ADAMTS16: variants seen among roughly 807,000 people sequenced by gnomAD.
The protein encoded by ADAMTS16 is ADAM metallopeptidase with thrombospondin type 1 motif 16, also known as A disintegrin and metalloproteinase with thrombospondin motifs 16.
A neutral mutation model predicts 145.8 loss-of-function variants in ADAMTS16; 94 were observed. The ratio of observed to expected loss-of-function variants is 0.64; its 90% CI spans 0.55 to 0.77. The LOEUF (loss-of-function observed/expected upper bound fraction) is 0.77, where lower values mean the gene tolerates loss of function less well. ADAMTS16 is among the 30% of genes least tolerant of loss of function. ADAMTS16 has a pLI of 0.00. For missense variants in ADAMTS16, 1,585 were observed against 1,591.5 expected (o/e 1.00, Z 0.07); for synonymous variants, 659 against 604.3 (o/e 1.09, Z -1.33).
Position 5,186,305 on chromosome 5 carries a change from T to G in ADAMTS16, c.963+54T>G, listed in dbSNP as rs555268907. ...CTGTGTCATTGCACTTCGTAGGGTG[T>G]GTGTGTGTGTGTGTGTGTGTGTGTG... is the stretch of plus-strand genomic sequence containing the variant. On this transcript the variant is annotated intron_variant, in intron 5 of 22. Coordinates refer to ENST00000274181, the MANE Select transcript of ADAMTS16 (RefSeq NM_139056.4). 9.7e-4 allele frequency: 595 copies of G among 614,208 alleles called. 6 individuals are homozygous for G. Among genetic ancestry groups the G allele is most frequent in the Middle Eastern group, 8.8e-3 (22 of 2,500 alleles). The allele number at this position is 614,208 out of a possible 1,614,324, so 38.0% of individuals were successfully genotyped here. A position where few individuals can be genotyped will look rare whatever the true frequency, so the allele number is the denominator to read the frequency against.
At chr5:5,162,249 C>G (rs1009292794) in intron 3 of ADAMTS16, among the ~76,000 whole-genome samples, 1 of 152,238 alleles carries the variant, frequency 6.6e-6, no homozygotes, top group African/African-American at 2.4e-5. Flanking sequence ...AGATTCATTA[C>G]AGGAGCTACT....
At chr5:5,292,054 C>T (rs1216445900) in intron 18 of ADAMTS16, among the ~76,000 whole-genome samples, 1 of 152,136 alleles carries the variant, frequency 6.6e-6, no homozygotes, top group Non-Finnish European at 1.5e-5. Flanking sequence ...GACAGAATGG[C>T]CCTCTCTAAT....
intron 18 of ADAMTS16, among the ~76,000 whole-genome samples, chr5:5,270,343 G>A (rs1449322109): frequency 6.6e-6 from 1 of 152,206 alleles, no homozygotes; most frequent in Non-Finnish European, 1.5e-5. Context: ...CAAAGGCGCT[G>A]GGCGGCATTG....
chr5:5,284,988 A>C (rs1158851599), intron 18 of ADAMTS16, among the ~76,000 whole-genome samples: 1 of 152,216 alleles, frequency 6.6e-6, no homozygotes, highest in Non-Finnish European at 1.5e-5. Flanking sequence ...GGCTTGTAAC[A>C]AGAATAGTGC....
intron 18 of ADAMTS16, among the ~76,000 whole-genome samples, chr5:5,267,195 C>T (rs1738272319): frequency 2.0e-5 from 3 of 152,076 alleles, no homozygotes; most frequent in South Asian, 2.1e-4. Context: ...CCCACAGCAA[C>T]GTCTAAGGGT....
intron 3 of ADAMTS16, among the ~76,000 whole-genome samples, chr5:5,164,163 C>T (rs1165865799): frequency 1.3e-5 from 2 of 152,220 alleles, no homozygotes; most frequent in African/African-American, 4.8e-5. Context: ...GTTTTCAGCG[C>T]AGATACATTC....
At chr5:5,262,530 G>C (rs1270506765) in intron 17 of ADAMTS16, 127 bp from the exon 18 acceptor site, 2 of 1,321,958 alleles carry the variant, frequency 1.5e-6, no homozygotes, top group Non-Finnish European at 2.0e-6. Context: ...TGGCCAGTTG[G>C]TCATTAACAC....
chr5:5,149,276 T>C (rs1734387909), intron 3 of ADAMTS16, among the ~76,000 whole-genome samples: 1 of 152,212 alleles, frequency 6.6e-6, no homozygotes, highest in Non-Finnish European at 1.5e-5. Flanking sequence ...TTTATGTCTC[T>C]ACCAAATTGT....
chr5:5,211,863 TTA>T (rs1736277999), intron 10 of ADAMTS16, among the ~76,000 whole-genome samples: 1 of 152,140 alleles, frequency 6.6e-6, no homozygotes, highest in Admixed American at 6.5e-5. Flanking sequence ...TCCAGATAAC[TTA>T]TTAGTTTTGA....
At chr5:5,208,056 C>T (rs1041000877) in intron 9 of ADAMTS16, among the ~76,000 whole-genome samples, 10 of 152,126 alleles carry the variant, frequency 6.6e-5, no homozygotes, top group Non-Finnish European at 1.2e-4. Context: ...AGAAAGTATT[C>T]CCTCTGCTCC....
At chr5:5,296,904 T>C (rs1175071821) in intron 18 of ADAMTS16, among the ~76,000 whole-genome samples, 1 of 152,124 alleles carries the variant, frequency 6.6e-6, no homozygotes, top group Non-Finnish European at 1.5e-5. Flanking sequence ...GTAATTGTAG[T>C]AGAAACCGTT....
intron 17 of ADAMTS16, among the ~76,000 whole-genome samples, chr5:5,244,636 T>C (rs117808936): frequency 6.6e-6 from 1 of 152,372 alleles, no homozygotes; most frequent in East Asian, 1.9e-4. Flanking sequence ...CCCATTCTTA[T>C]GTCACCCCAC....
At chr5:5,297,691 G>C (rs949432342) in intron 18 of ADAMTS16, among the ~76,000 whole-genome samples, 1 of 152,192 alleles carries the variant, frequency 6.6e-6, no homozygotes, top group Admixed American at 6.5e-5. Flanking sequence ...TGCTGGCCTC[G>C]GAGTAGTATC....
intron 18 of ADAMTS16, among the ~76,000 whole-genome samples, chr5:5,302,415 G>C (rs2126510019): frequency 6.6e-6 from 1 of 152,268 alleles, no homozygotes; most frequent in East Asian, 1.9e-4. Context: ...AATCATACGA[G>C]AAAGGAGAAC....
intron 17 of ADAMTS16, among the ~76,000 whole-genome samples, chr5:5,248,398 AC>A (rs1363868112): frequency 2.2e-4 from 33 of 152,136 alleles, no homozygotes; most frequent in Admixed American, 1.5e-3. Flanking sequence ...CAAACTCACC[AC>A]CCCATGGGCA....
At chr5:5,157,708 A>G (rs1441629619) in intron 3 of ADAMTS16, among the ~76,000 whole-genome samples, 2 of 152,184 alleles carry the variant, frequency 1.3e-5, no homozygotes, top group African/African-American at 4.8e-5. Flanking sequence ...TTATTCTTTT[A>G]TCATAATTTA....
chr5:5,267,268 C>T (rs1393268293), intron 18 of ADAMTS16, among the ~76,000 whole-genome samples: 2 of 152,184 alleles, frequency 1.3e-5, no homozygotes, highest in African/African-American at 4.8e-5. Flanking sequence ...CTAAGTTTGT[C>T]GTCCCTGGGC....
chr5:5,227,659 T>A (rs986612136), intron 11 of ADAMTS16, among the ~76,000 whole-genome samples: 2 of 152,198 alleles, frequency 1.3e-5, no homozygotes, highest in Non-Finnish European at 2.9e-5. Context: ...AGGAAAATCA[T>A]TTAAGGATAC....
At chr5:5,280,544 G>A (rs1391207192) in intron 18 of ADAMTS16, among the ~76,000 whole-genome samples, 1 of 152,254 alleles carries the variant, frequency 6.6e-6, no homozygotes, top group South Asian at 2.1e-4. Flanking sequence ...GGAATTTCCC[G>A]TTTAAACACC....
Sources: gnomAD v4.1 joint callset for allele counts (sites outside exome capture counted in the v4.1 genomes callset) on GRCh38, gnomAD v4.1.1 for gene constraint, MANE v1.5 for transcripts, NCBI Gene and HGNC (gene_info 2026-07-23, HGNC 2026-07-21) for gene names.